Variants in PHF20 observed in about 807,000 individuals in gnomAD.
PHF20 encodes the protein PHD finger protein 20, also known as glioma-expressed antigen 2.
A neutral mutation model predicts 113.5 loss-of-function variants in PHF20; 23 were observed. The observed-to-expected ratio is 0.20, with a 90% CI of 0.15 to 0.29. The LOEUF (loss-of-function observed/expected upper bound fraction) is 0.29, where lower values mean the gene tolerates loss of function less well. Among genes scored for constraint, PHF20 ranks in the 10% least tolerant of loss-of-function variants. PHF20 has a pLI of 1.00. For missense variants in PHF20, 943 were observed against 1,219.6 expected (o/e 0.77, Z 3.38); for synonymous variants, 434 against 457.3 (o/e 0.95, Z 0.65).
chr20:35,870,925 T>C, intron 7 of PHF20, 30 bp from the exon 8 acceptor site: 1 of 1,535,462 alleles, frequency 6.5e-7, no homozygotes, highest in Admixed American at 2.3e-5. Flanking sequence ...TGTTGGTCTC[T>C]TGACTACAAC....
chr20:35,801,343 G>A (rs974667159), intron 1 of PHF20, 148 bp from the exon 2 acceptor site: 10 of 513,652 alleles, frequency 1.9e-5, no homozygotes, highest in Non-Finnish European at 3.1e-5. Flanking sequence ...ACCAGTGGAA[G>A]ACACACCTGT....
chr20:35,806,014 G>A (rs894074125), intron 2 of PHF20, among the ~76,000 whole-genome samples: 9 of 151,774 alleles, frequency 5.9e-5, no homozygotes, highest in Non-Finnish European at 1.0e-4. Context: ...ACAGGCGCCC[G>A]CCACCACACC....
chr20:35,909,896 T>C (rs78814343), intron 10 of PHF20, among the ~76,000 whole-genome samples: 1 of 152,184 alleles, frequency 6.6e-6, no homozygotes, highest in African/African-American at 2.4e-5. Context: ...TAAATACCTA[T>C]GTGATGTCAG....
At chr20:35,787,569 A>G (rs1036445831) in intron 1 of PHF20, among the ~76,000 whole-genome samples, 1 of 143,568 alleles carries the variant, frequency 7.0e-6, no homozygotes, top group Non-Finnish European at 1.5e-5. Context: ...GCTCACTGCA[A>G]TCTCCGCCTC....
At chr20:35,838,164 C>G (rs965526586) in intron 2 of PHF20, among the ~76,000 whole-genome samples, 2 of 152,102 alleles carry the variant, frequency 1.3e-5, no homozygotes, top group African/African-American at 4.8e-5. Context: ...TCCTGACTTC[C>G]GACCAGTGCA....
Position 35,947,842 on chromosome 20 carries a change from G to A in PHF20, c.*215G>A. 1 of 532,928 alleles carries A rather than the reference G, an allele frequency of 1.9e-6. No individual in the cohort carries two copies. The highest frequency in any genetic ancestry group is 2.5e-5 in the South Asian group (1 of 39,980). The allele number at this position is 532,928 out of a possible 1,614,324, so 33.0% of individuals were successfully genotyped here. A position where few individuals can be genotyped will look rare whatever the true frequency, so the allele number is the denominator to read the frequency against. Reference sequence around the variant, plus strand: ...AAGCCTGCCATAAAGGTAGCAAATAGACTCTTGGGATTCCCCTCTTCTGTG... The same window carrying A: ...AAGCCTGCCATAAAGGTAGCAAATAAACTCTTGGGATTCCCCTCTTCTGTG... On this transcript the variant is annotated 3_prime_UTR_variant, in exon 18 of 18. Coordinates refer to ENST00000374012, the MANE Select transcript of PHF20 (RefSeq NM_016436.5).
intron 2 of PHF20, among the ~76,000 whole-genome samples, chr20:35,819,648 CTGTGTGTG>C (rs57252834): frequency 0.097 from 14,379 of 148,034 alleles, 689 homozygotes; most frequent in South Asian, 0.16. Context: ...CTTACACCAT[CTGTGTGTG>C]TGTGTGTGTG....
intron 1 of PHF20, among the ~76,000 whole-genome samples, chr20:35,784,152 C>G (rs565051719): frequency 1.2e-3 from 176 of 150,904 alleles, no homozygotes; most frequent in African/African-American, 4.2e-3. Context: ...CTCCAGGGTT[C>G]AAGCGATTCT....
intron 4 of PHF20, among the ~76,000 whole-genome samples, chr20:35,857,147 C>G (rs552132013): frequency 3.9e-5 from 6 of 152,078 alleles, no homozygotes; most frequent in African/African-American, 9.7e-5. Context: ...GAAACCATTA[C>G]GTGATTACCA....
chr20:35,793,394 G>T (rs1248238198), intron 1 of PHF20, among the ~76,000 whole-genome samples: 1 of 151,494 alleles, frequency 6.6e-6, no homozygotes, highest in Non-Finnish European at 1.5e-5. Flanking sequence ...CCACCTCCTG[G>T]GTTCAAGCAA....
intron 1 of PHF20, among the ~76,000 whole-genome samples, chr20:35,779,021 T>G (rs550682103): frequency 1.1e-4 from 16 of 152,000 alleles, no homozygotes; most frequent in Middle Eastern, 3.4e-3. Flanking sequence ...AAAGGGTTTT[T>G]TTTTGTTTTG....
At chr20:35,839,406 A>G (rs2042502771) in intron 2 of PHF20, among the ~76,000 whole-genome samples, 1 of 151,678 alleles carries the variant, frequency 6.6e-6, no homozygotes, top group Admixed American at 6.6e-5. Context: ...AAAAAAAAAA[A>G]AAAAAGAAAG....
At chr20:35,795,190 TAAA>T (rs112803709) in intron 1 of PHF20, among the ~76,000 whole-genome samples, 8 of 134,986 alleles carry the variant, frequency 5.9e-5, no homozygotes, top group Admixed American at 1.5e-4. Flanking sequence ...GACTCTGTCT[TAAA>T]AAAAAAAAAA....
At chr20:35,776,595 A>G (rs2041180153) in intron 1 of PHF20, among the ~76,000 whole-genome samples, 1 of 151,986 alleles carries the variant, frequency 6.6e-6, no homozygotes, top group Non-Finnish European at 1.5e-5. Context: ...ATCTGTACCT[A>G]TTTCCCTGGC....
At chr20:35,800,480 T>C (rs2041758636) in intron 1 of PHF20, among the ~76,000 whole-genome samples, 1 of 151,954 alleles carries the variant, frequency 6.6e-6, no homozygotes. Flanking sequence ...TCAAAGAAAG[T>C]ATAAACAATT....
chr20:35,889,681 C>T (rs368001557), intron 9 of PHF20, among the ~76,000 whole-genome samples: 7 of 151,062 alleles, frequency 4.6e-5, no homozygotes, highest in South Asian at 2.1e-4. Context: ...AGTTTTATTT[C>T]GCATAGTTAT....
At chr20:35,842,861 G>A (rs2146937675) in intron 3 of PHF20, 117 bp downstream of exon 3, 1 of 777,654 alleles carries the variant, frequency 1.3e-6, no homozygotes, top group East Asian at 2.7e-5. Flanking sequence ...GCCTATAGTT[G>A]TAACCCTGAG....
chr20:35,788,313 G>T (rs1242050867), intron 1 of PHF20, among the ~76,000 whole-genome samples: 1 of 149,916 alleles, frequency 6.7e-6, no homozygotes, highest in African/African-American at 2.5e-5. Flanking sequence ...AGCCAGGATG[G>T]TCTCGATCTC....
chr20:35,802,278 T>G (rs992345207), intron 2 of PHF20, among the ~76,000 whole-genome samples: 1 of 152,128 alleles, frequency 6.6e-6, no homozygotes, highest in African/African-American at 2.4e-5. Context: ...GAGGGCATCC[T>G]AGAATTTGGT....
Sources: gnomAD v4.1 joint callset for allele counts (sites outside exome capture counted in the v4.1 genomes callset) on GRCh38, gnomAD v4.1.1 for gene constraint, MANE v1.5 for transcripts, NCBI Gene and HGNC (gene_info 2026-07-23, HGNC 2026-07-21) for gene names.